PGCKA1: variants seen among roughly 807,000 people sequenced by gnomAD.
PGCKA1 encodes PDCD10 and GCKIII kinases associated 1.
chr4:37,483,024 T>C, the PGCKA1 span, among the ~76,000 whole-genome samples: 1 of 152,170 alleles, frequency 6.6e-6, no homozygotes, highest in African/African-American at 2.4e-5. Context: ...CGAATTGTAG[T>C]TCCCATAATC....
chr4:37,457,184 T>A, the PGCKA1 span, among the ~76,000 whole-genome samples: 1 of 152,348 alleles, frequency 6.6e-6, no homozygotes, highest in South Asian at 2.1e-4. Flanking sequence ...AAAGCTGAAG[T>A]AAACTGTTGC....
chr4:37,530,751 C>T, the PGCKA1 span, among the ~76,000 whole-genome samples: 20 of 150,848 alleles, frequency 1.3e-4, no homozygotes, highest in Admixed American at 9.9e-4. Flanking sequence ...CCTAAGCGGG[C>T]GGTTCACTTG....
the PGCKA1 span, among the ~76,000 whole-genome samples, chr4:37,520,179 A>T: frequency 6.6e-6 from 1 of 151,954 alleles, no homozygotes; most frequent in Non-Finnish European, 1.5e-5. Context: ...TTTGTTGAGG[A>T]TTTTTGCCTC....
chr4:37,576,551 C>A, the PGCKA1 span, among the ~76,000 whole-genome samples: 4 of 152,160 alleles, frequency 2.6e-5, 1 homozygote, highest in East Asian at 7.7e-4. Flanking sequence ...TTCTTCCTTT[C>A]CAATTTGCAT....
At chr4:37,497,777 G>T in the PGCKA1 span, among the ~76,000 whole-genome samples, 10 of 152,024 alleles carry the variant, frequency 6.6e-5, no homozygotes, top group Admixed American at 6.6e-4. Flanking sequence ...GATTCTGGAT[G>T]TTAGTCCTTT....
the PGCKA1 span, among the ~76,000 whole-genome samples, chr4:37,484,859 A>G: frequency 6.6e-6 from 1 of 152,192 alleles, no homozygotes; most frequent in Non-Finnish European, 1.5e-5. Context: ...CCCAACCTCC[A>G]TAACTGTGAG....
chr4:37,571,214 C>T, the PGCKA1 span, among the ~76,000 whole-genome samples: 2 of 152,150 alleles, frequency 1.3e-5, no homozygotes, highest in African/African-American at 4.8e-5. Flanking sequence ...GAACCATACC[C>T]TTTATTTGCC....
the PGCKA1 span, among the ~76,000 whole-genome samples, chr4:37,494,663 T>C: frequency 2.6e-5 from 4 of 152,154 alleles, no homozygotes; most frequent in Non-Finnish European, 5.9e-5. Flanking sequence ...CCTGGGTCGA[T>C]TGGTAGTTCT....
the PGCKA1 span, among the ~76,000 whole-genome samples, chr4:37,509,664 C>T: frequency 6.6e-6 from 1 of 151,092 alleles, no homozygotes; most frequent in African/African-American, 2.4e-5. Context: ...GCACTCCAGC[C>T]TGGGCAACAT....
the PGCKA1 span, chr4:37,589,963 C>T: frequency 1.3e-6 from 1 of 780,844 alleles, no homozygotes. Flanking sequence ...TTTAGACATA[C>T]TTATCTAGGT....
chr4:37,528,303 A>T, the PGCKA1 span, among the ~76,000 whole-genome samples: 1 of 152,176 alleles, frequency 6.6e-6, no homozygotes, highest in South Asian at 2.1e-4. Flanking sequence ...CCTACTATTT[A>T]ATATGTAATC....
At chr4:37,583,719 C>T in the PGCKA1 span, among the ~76,000 whole-genome samples, 1 of 152,206 alleles carries the variant, frequency 6.6e-6, no homozygotes, top group African/African-American at 2.4e-5. Flanking sequence ...CAGCCCCCAA[C>T]ACAGGGCTGC....
At chr4:37,477,180 GA>G in the PGCKA1 span, among the ~76,000 whole-genome samples, 1 of 152,112 alleles carries the variant, frequency 6.6e-6, no homozygotes, top group African/African-American at 2.4e-5. Context: ...AATAATACGT[GA>G]TACATCCATA....
the PGCKA1 span, among the ~76,000 whole-genome samples, chr4:37,473,798 C>G: frequency 2.6e-5 from 4 of 152,090 alleles, no homozygotes; most frequent in East Asian, 5.8e-4. Context: ...ACTCATAGCT[C>G]AAACATACAT....
the PGCKA1 span, among the ~76,000 whole-genome samples, chr4:37,574,042 G>T: frequency 1.5e-5 from 2 of 132,344 alleles, no homozygotes; most frequent in Non-Finnish European, 3.2e-5. Context: ...ACAAAAATTT[G>T]CTGGGTGTGG....
the PGCKA1 span, among the ~76,000 whole-genome samples, chr4:37,491,087 G>C: frequency 6.6e-6 from 1 of 152,030 alleles, no homozygotes; most frequent in Non-Finnish European, 1.5e-5. Flanking sequence ...ATTTCATAAG[G>C]TTCCTTAAGG....
At chr4:37,454,237 A>G in the PGCKA1 span, among the ~76,000 whole-genome samples, 2 of 152,242 alleles carry the variant, frequency 1.3e-5, no homozygotes, top group Non-Finnish European at 2.9e-5. Flanking sequence ...ACGTAATTCA[A>G]CAAAGGGGCT....
the PGCKA1 span, among the ~76,000 whole-genome samples, chr4:37,573,851 G>T: frequency 1.3e-5 from 2 of 152,138 alleles, no homozygotes; most frequent in African/African-American, 2.4e-5. Context: ...TAAATGACTA[G>T]CAGATTTCCC....
the PGCKA1 span, among the ~76,000 whole-genome samples, chr4:37,551,845 C>T: frequency 4.6e-5 from 7 of 152,196 alleles, no homozygotes; most frequent in African/African-American, 1.2e-4. Context: ...AAAGCTTCAT[C>T]GCTACCTTAG....
Sources: gnomAD v4.1 joint callset for allele counts (sites outside exome capture counted in the v4.1 genomes callset) on GRCh38, gnomAD v4.1.1 for gene constraint, MANE v1.5 for transcripts, NCBI Gene and HGNC (gene_info 2026-07-23, HGNC 2026-07-21) for gene names.